Variants in RBMS3 observed in about 807,000 individuals in gnomAD.
RBMS3 encodes the protein RNA binding motif single stranded interacting protein 3.
A neutral mutation model predicts 66.8 loss-of-function variants in RBMS3; 27 were observed. That is an observed-to-expected ratio of 0.40 (90% confidence interval 0.30 to 0.56). The LOEUF (loss-of-function observed/expected upper bound fraction) is 0.56. Ranked by LOEUF, RBMS3 falls within the 20% of genes least tolerant of loss-of-function variation. RBMS3 has a pLI of 0.40. For synonymous variants in RBMS3, 188 were observed against 183.0 expected, an observed-to-expected ratio of 1.03 and a Z score of -0.22; for missense variants, 513 against 549.5, an observed-to-expected ratio of 0.93 and a Z score of 0.66.
At chr3:29,881,270 C>T (rs1388870677) in intron 7 of RBMS3, among the ~76,000 whole-genome samples, 1 of 152,112 alleles carries the variant, frequency 6.6e-6, no homozygotes, top group Admixed American at 6.6e-5. Flanking sequence ...CTGATCACCC[C>T]CAGCCTCTCT....
At chr3:29,954,326 G>C (rs1333794058) in intron 12 of RBMS3, among the ~76,000 whole-genome samples, 1 of 151,574 alleles carries the variant, frequency 6.6e-6, no homozygotes, top group Non-Finnish European at 1.5e-5. Context: ...ACTCTTACCT[G>C]GCCCATTTAT....
intron 2 of RBMS3, among the ~76,000 whole-genome samples, chr3:29,482,678 T>G (rs537977391): frequency 6.7e-6 from 1 of 149,152 alleles, no homozygotes; most frequent in East Asian, 2.0e-4. Context: ...AAGTACACAG[T>G]CTACCATTTT....
intron 1 of RBMS3, among the ~76,000 whole-genome samples, chr3:29,284,749 G>C (rs562219783): frequency 1.3e-5 from 2 of 151,722 alleles, no homozygotes; most frequent in African/African-American, 4.8e-5. Context: ...TGAAAACCCA[G>C]TGGCTGACTC....
intron 10 of RBMS3, chr3:29,924,800 A>T (rs1204237539): frequency 6.5e-6 from 1 of 153,118 alleles, no homozygotes; most frequent in South Asian, 2.1e-4. Context: ...ACATCATTGC[A>T]TTCCAGCCTG....
intron 8 of RBMS3, among the ~76,000 whole-genome samples, chr3:29,888,792 G>C (rs1413618128): frequency 6.6e-6 from 1 of 151,388 alleles, no homozygotes; most frequent in Non-Finnish European, 1.5e-5. Context: ...CACTCCTCAG[G>C]ACTCTTTCTT....
At chr3:29,771,496 T>C (rs1460495297) in intron 6 of RBMS3, among the ~76,000 whole-genome samples, 1 of 152,052 alleles carries the variant, frequency 6.6e-6, no homozygotes, top group Non-Finnish European at 1.5e-5. Context: ...CTGTAAATCC[T>C]AATCCCCAGA....
intron 5 of RBMS3, among the ~76,000 whole-genome samples, chr3:29,742,562 T>C (rs749943818): frequency 2.6e-5 from 4 of 152,216 alleles, no homozygotes; most frequent in African/African-American, 4.8e-5. Flanking sequence ...CTTCAAAGAA[T>C]TTTTCGCTGA....
intron 3 of RBMS3, among the ~76,000 whole-genome samples, chr3:29,529,356 C>A (rs1260996834): frequency 1.3e-5 from 2 of 150,414 alleles, no homozygotes; most frequent in Non-Finnish European, 3.0e-5. Flanking sequence ...GCCATGGGGG[C>A]AAAAAGGGAT....
Position 29,750,929 on chromosome 3 carries a change from A to C in RBMS3, c.557+11052A>C, listed in dbSNP as rs142556819. On this transcript the variant is annotated intron_variant, in intron 5 of 14. Transcript: ENST00000383767. The stretch of plus-strand genomic sequence containing the variant: ...ATTTTTGGAAATATGTAAAGTATTA[A>C]GGGTTTAAAACACTTGATATTGAAA... Among the ~76,000 whole-genome samples, 42 of 152,350 alleles carry C rather than the reference A, an allele frequency of 2.8e-4. No individual in the cohort carries two copies. The East Asian group carries it at 7.7e-3, about 28-fold the overall frequency.
intron 6 of RBMS3, among the ~76,000 whole-genome samples, chr3:29,795,175 G>A (rs2057141782): frequency 6.6e-6 from 1 of 152,302 alleles, no homozygotes; most frequent in Admixed American, 6.5e-5. Flanking sequence ...TGCACGGCTG[G>A]TACCTTTCTC....
At chr3:29,413,790 A>G (rs2040371855) in intron 1 of RBMS3, among the ~76,000 whole-genome samples, 1 of 152,036 alleles carries the variant, frequency 6.6e-6, no homozygotes, top group Non-Finnish European at 1.5e-5. Context: ...ACTGCTTAAA[A>G]TGTTGTATCA....
chr3:29,405,728 A>G (rs962522587), intron 1 of RBMS3, among the ~76,000 whole-genome samples: 1 of 152,150 alleles, frequency 6.6e-6, no homozygotes, highest in Non-Finnish European at 1.5e-5. Flanking sequence ...AACATGGGGG[A>G]AAATTCAGCC....
At chr3:29,564,058 TAGAA>T (rs144030639) in intron 3 of RBMS3, among the ~76,000 whole-genome samples, 2,114 of 148,298 alleles carry the variant, frequency 0.014, 42 homozygotes, top group African/African-American at 0.05. Context: ...GAAGGAAAGG[TAGAA>T]AGAAAAGAAG....
chr3:29,334,801 G>A (rs75801455), intron 1 of RBMS3, among the ~76,000 whole-genome samples: 3,755 of 152,174 alleles, frequency 0.025, 61 homozygotes, highest in Non-Finnish European at 0.036. Context: ...AACTTAATAA[G>A]CTCACCACAT....
At chr3:29,482,947 C>T (rs1471096898) in intron 2 of RBMS3, among the ~76,000 whole-genome samples, 1 of 151,704 alleles carries the variant, frequency 6.6e-6, no homozygotes, top group Admixed American at 6.6e-5. Flanking sequence ...ACCTCGTGAT[C>T]TACCCACCTC....
At chr3:29,569,223 C>A (rs1289971129) in intron 3 of RBMS3, among the ~76,000 whole-genome samples, 5 of 152,112 alleles carry the variant, frequency 3.3e-5, no homozygotes, top group Non-Finnish European at 5.9e-5. Flanking sequence ...CTAAACAGTT[C>A]TCTAAACTGT....
chr3:29,391,515 TTTGA>T (rs1391578061), intron 1 of RBMS3, among the ~76,000 whole-genome samples: 5 of 152,214 alleles, frequency 3.3e-5, no homozygotes, highest in Admixed American at 6.5e-5. Context: ...AGATTAAGAC[TTTGA>T]TTGGTGAGAG....
At chr3:29,841,853 T>G in intron 6 of RBMS3, among the ~76,000 whole-genome samples, 1 of 152,054 alleles carries the variant, frequency 6.6e-6, no homozygotes, top group South Asian at 2.1e-4. Flanking sequence ...TTGTTCTACT[T>G]TCATAAGTGT....
intron 10 of RBMS3, among the ~76,000 whole-genome samples, chr3:29,919,404 G>A (rs190915796): frequency 6.6e-6 from 1 of 152,304 alleles, no homozygotes; most frequent in East Asian, 1.9e-4. Context: ...AAGCTTTCCT[G>A]GAGGAGAAAT....
Sources: allele counts gnomAD v4.1 joint callset (sites outside exome capture counted in the v4.1 genomes callset), GRCh38; gene constraint gnomAD v4.1.1; transcripts MANE v1.5; gene names NCBI Gene and HGNC (gene_info 2026-07-23, HGNC 2026-07-21).